The following XRCC5 variants were observed in gnomAD, a reference collection of about 807,000 sequenced individuals.
XRCC5 encodes the protein X-ray repair cross complementing 5.
XRCC5 carries 12 observed loss-of-function variants against 95.7 expected under a neutral mutation model. The observed-to-expected ratio is 0.13, with a 90% CI of 0.08 to 0.20. XRCC5 has a LOEUF of 0.20. Ranked by LOEUF, XRCC5 falls within the 10% of genes least tolerant of loss-of-function variation. The pLI is 1.00. For missense variants in XRCC5, 595 were observed against 873.9 expected (o/e 0.68, Z 4.02); for synonymous variants, 281 against 290.3 (o/e 0.97, Z 0.33).
At chr2:216,148,041 A>G in intron 13 of XRCC5, 42 bp from the exon 14 acceptor site, 6 of 1,575,546 alleles carry the variant, frequency 3.8e-6, no homozygotes, top group Non-Finnish European at 3.4e-6. Context: ...GAAGCCATAT[A>G]TGTCTCCATC....
Position 216,126,500 on chromosome 2 carries a change from A to G in XRCC5, c.798+469A>G, listed in dbSNP as rs180722784. On this transcript the variant is annotated intron_variant, in intron 7 of 20. Transcript: ENST00000392132. The stretch of plus-strand genomic sequence containing the variant: ...TTTTGTTACTGTAAAATTGCATTTT[A>G]TAATATATGTACATTTATATACAAT... Among the ~76,000 whole-genome samples the G allele has an allele frequency of 8.5e-3, 1,294 of 152,348 alleles. 11 individuals carry two copies. Among genetic ancestry groups the G allele is most frequent in the Admixed American group, 0.012 (186 of 15,302 alleles).
intron 14 of XRCC5, chr2:216,156,425 C>T (rs548235620): frequency 2.5e-6 from 2 of 810,330 alleles, no homozygotes; most frequent in African/African-American, 1.7e-5. Context: ...ATAGGCTGAC[C>T]TTGTAGCTTT....
intron 16 of XRCC5, chr2:216,175,300 GCCT>G: frequency 4.5e-6 from 2 of 446,954 alleles, no homozygotes; most frequent in Non-Finnish European, 8.7e-6. Context: ...TACCACCAGA[GCCT>G]CCTCTTCCAC....
At chr2:216,147,817 G>A (rs560590125) in intron 13 of XRCC5, among the ~76,000 whole-genome samples, 1 of 152,184 alleles carries the variant, frequency 6.6e-6, no homozygotes, top group Non-Finnish European at 1.5e-5. Context: ...CAACAGCTTT[G>A]ATTTATAAGG....
intron 16 of XRCC5, among the ~76,000 whole-genome samples, chr2:216,181,137 G>A (rs1293139918): frequency 6.6e-6 from 1 of 152,008 alleles, no homozygotes; most frequent in Admixed American, 6.6e-5. Flanking sequence ...TGGCATTTCT[G>A]ACAACTTTGT....
chr2:216,181,040 C>G (rs761401788), intron 16 of XRCC5, among the ~76,000 whole-genome samples: 3 of 151,836 alleles, frequency 2.0e-5, no homozygotes, highest in Non-Finnish European at 4.4e-5. Context: ...CTCGAACTCC[C>G]GACCTCAGAT....
intron 13 of XRCC5, among the ~76,000 whole-genome samples, chr2:216,144,257 A>C (rs1045755300): frequency 2.0e-5 from 3 of 152,218 alleles, no homozygotes; most frequent in Non-Finnish European, 4.4e-5. Context: ...AAAAGCATGA[A>C]AATATGAAGA....
chr2:216,148,355 A>C, intron 14 of XRCC5, 79 bp downstream of exon 14: 1 of 1,332,094 alleles, frequency 7.5e-7, no homozygotes. Flanking sequence ...TGGAAGTGTC[A>C]CATAGGGGTC....
At chr2:216,193,016 T>C (rs1303307842) in intron 18 of XRCC5, among the ~76,000 whole-genome samples, 1 of 152,218 alleles carries the variant, frequency 6.6e-6, no homozygotes, top group Non-Finnish European at 1.5e-5. Context: ...TGTGCCTTTC[T>C]GTTTGTTGAA....
At chr2:216,127,150 G>A (rs927978376) in intron 7 of XRCC5, among the ~76,000 whole-genome samples, 3 of 152,112 alleles carry the variant, frequency 2.0e-5, no homozygotes, top group Non-Finnish European at 2.9e-5. Flanking sequence ...TGAGGCATGA[G>A]TATCACTTAA....
At position 216,204,466 on chromosome 2, in the gene XRCC5, G is replaced by A. The variant is rs1262343829; in HGVS notation, c.2184+70G>A. Reference sequence around the variant, plus strand: ...CCTGAGCTGTAAATACAGCCACAAAGGCTGATTATCTTACACTTGTTGCTT... The same window carrying A: ...CCTGAGCTGTAAATACAGCCACAAAAGCTGATTATCTTACACTTGTTGCTT... On this transcript the variant is annotated intron_variant, in intron 20 of 20. Transcript: ENST00000392132. 18 of 1,535,156 alleles carry A rather than the reference G, an allele frequency of 1.2e-5. No individual in the cohort carries two copies. In the Admixed American group the frequency reaches 1.3e-4, roughly 11 times the overall value.
intron 17 of XRCC5, among the ~76,000 whole-genome samples, chr2:216,190,573 T>C (rs1689597617): frequency 1.3e-5 from 2 of 152,228 alleles, no homozygotes; most frequent in Non-Finnish European, 2.9e-5. Flanking sequence ...GGCTTTTTAT[T>C]GTACTGAAGA....
At chr2:216,175,442 CT>C in intron 16 of XRCC5, 3 of 518,278 alleles carry the variant, frequency 5.8e-6, no homozygotes, top group Non-Finnish European at 1.2e-5. Context: ...TAGAAAGGGC[CT>C]TTTTCACTTT....
At chr2:216,124,950 C>T (rs1696879265) in intron 6 of XRCC5, among the ~76,000 whole-genome samples, 1 of 152,166 alleles carries the variant, frequency 6.6e-6, no homozygotes, top group South Asian at 2.1e-4. Context: ...CTGTTTGCAC[C>T]TCTCCCCAGC....
intron 12 of XRCC5, 66 bp from the exon 13 acceptor site, chr2:216,141,120 A>C: frequency 6.3e-7 from 1 of 1,591,504 alleles, no homozygotes; most frequent in South Asian, 1.1e-5. Context: ...ATCTCTACGT[A>C]GAAAGCATTT....
At chr2:216,128,420 G>T (rs1696929678) in intron 8 of XRCC5, among the ~76,000 whole-genome samples, 1 of 152,204 alleles carries the variant, frequency 6.6e-6, no homozygotes, top group Non-Finnish European at 1.5e-5. Context: ...ATTTGTGTGT[G>T]TTGGAGGAGG....
rs999841784 is a variant in XRCC5 at position 216,192,701 on chromosome 2, A to G, written c.2007A>G (p.Lys669=). Residue 669 remains lysine, a synonymous_variant, in exon 18 of 21, where the codon AAA becomes AAG. Transcript: ENST00000392132. ...LKALQEKVEI[K]QLNHFWEIVV... ...CCCTTCAAGAGAAAGTGGAAATTAA[A>G]CAATTAAATCATTTCTGGGAAATTG... 13 of 1,599,888 alleles carry G rather than the reference A, an allele frequency of 8.1e-6. No individual in the cohort carries two copies. The South Asian group carries it at 1.1e-4, about 14-fold the overall frequency.
chr2:216,167,468 CT>C (rs1689071136), intron 16 of XRCC5, among the ~76,000 whole-genome samples: 2 of 151,934 alleles, frequency 1.3e-5, no homozygotes, highest in Non-Finnish European at 1.5e-5. Flanking sequence ...TAGCTGTTTA[CT>C]TACATACATT....
At chr2:216,136,811 T>C (rs1574460878) in intron 10 of XRCC5, among the ~76,000 whole-genome samples, 1 of 152,120 alleles carries the variant, frequency 6.6e-6, no homozygotes, top group East Asian at 1.9e-4. Flanking sequence ...AAAGATTTGT[T>C]TAGGAGGGCT....
Sources: gnomAD v4.1 joint callset for allele counts (sites outside exome capture counted in the v4.1 genomes callset) on GRCh38, gnomAD v4.1.1 for gene constraint, MANE v1.5 for transcripts, NCBI Gene and HGNC (gene_info 2026-07-23, HGNC 2026-07-21) for gene names.